The following UPP2 variants were observed in gnomAD, a reference collection of about 807,000 sequenced individuals.
The protein encoded by UPP2 is uridine phosphorylase 2.
UPP2 carries 23 observed loss-of-function variants against 26.7 expected under a neutral mutation model. The observed-to-expected ratio is 0.86, with a 90% CI of 0.62 to 1.22. The LOEUF (loss-of-function observed/expected upper bound fraction) is 1.22, where lower values mean the gene tolerates loss of function less well. Among genes scored for constraint, UPP2 ranks in the 50% most tolerant of loss-of-function variants. UPP2 has a pLI of 0.00. For missense variants in UPP2, 387 were observed against 396.7 expected, an observed-to-expected ratio of 0.98 and a Z score of 0.21; for synonymous variants, 127 against 141.3, an observed-to-expected ratio of 0.90 and a Z score of 0.72.
chr2:158,049,842 T>C (rs960693543), intron 3 of UPP2, among the ~76,000 whole-genome samples: 14 of 152,232 alleles, frequency 9.2e-5, no homozygotes, highest in African/African-American at 3.1e-4. Flanking sequence ...CTTATGATCA[T>C]ACATTAGAAT....
intron 6 of UPP2, among the ~76,000 whole-genome samples, chr2:158,132,326 C>A (rs893833417): frequency 2.0e-5 from 3 of 152,166 alleles, no homozygotes; most frequent in Admixed American, 2.0e-4. Flanking sequence ...AATGGTTCAC[C>A]ATGTGCTAGC....
chr2:158,005,164 T>C (rs559576045), intron 2 of UPP2, among the ~76,000 whole-genome samples: 9 of 152,300 alleles, frequency 5.9e-5, no homozygotes, highest in East Asian at 5.8e-4. Context: ...AAATCTGTTA[T>C]GGTCTCTTGT....
intron 3 of UPP2, among the ~76,000 whole-genome samples, chr2:158,019,985 T>A (rs1574248484): frequency 6.6e-6 from 1 of 152,206 alleles, no homozygotes; most frequent in East Asian, 1.9e-4. Flanking sequence ...AAGCCCATCT[T>A]CCATACAAAA....
chr2:158,043,294 A>T (rs1337693498), intron 3 of UPP2, among the ~76,000 whole-genome samples: 2 of 152,194 alleles, frequency 1.3e-5, no homozygotes, highest in Non-Finnish European at 2.9e-5. Context: ...AATCCTGCTC[A>T]TGAACTCCTT....
chr2:158,020,198 G>A (rs1320874193), intron 3 of UPP2, among the ~76,000 whole-genome samples: 1 of 152,206 alleles, frequency 6.6e-6, no homozygotes, highest in Non-Finnish European at 1.5e-5. Context: ...TGAGGAGCGA[G>A]TGTTTTCGAA....
intron 3 of UPP2, among the ~76,000 whole-genome samples, chr2:158,090,677 G>T (rs181683188): frequency 0.022 from 3,347 of 152,124 alleles, 123 homozygotes; most frequent in African/African-American, 0.073. Flanking sequence ...GCACGGCCAC[G>T]GACCCACATG....
chr2:157,995,302 T>C (rs1264756037), intron 2 of UPP2: 3 of 1,597,186 alleles, frequency 1.9e-6, no homozygotes, highest in East Asian at 2.2e-5. Flanking sequence ...TCTAAGCACA[T>C]GTGTCTGGTC....
At chr2:158,095,675 T>C (rs1242312382) in intron 3 of UPP2, among the ~76,000 whole-genome samples, 1 of 152,168 alleles carries the variant, frequency 6.6e-6, no homozygotes, top group Admixed American at 6.5e-5. Flanking sequence ...ATAATACCTA[T>C]CTCACAGACG....
chr2:158,123,419 C>T (rs1202351489), intron 5 of UPP2, among the ~76,000 whole-genome samples: 1 of 152,110 alleles, frequency 6.6e-6, no homozygotes. Flanking sequence ...CTGAGATTTT[C>T]CTCAAAGGGC....
At chr2:158,066,335 G>A (rs531598865) in intron 3 of UPP2, among the ~76,000 whole-genome samples, 9 of 152,280 alleles carry the variant, frequency 5.9e-5, no homozygotes, top group South Asian at 4.1e-4. Context: ...GACCTTTCCC[G>A]AAATCATGCA....
intron 2 of UPP2, among the ~76,000 whole-genome samples, chr2:158,110,455 C>T (rs1262176789): frequency 6.6e-6 from 1 of 152,154 alleles, no homozygotes; most frequent in Non-Finnish European, 1.5e-5. Flanking sequence ...AGTGAACATA[C>T]ATGTACATGT....
intron 2 of UPP2, among the ~76,000 whole-genome samples, chr2:158,005,821 C>G (rs548440403): frequency 3.9e-5 from 6 of 152,242 alleles, no homozygotes; most frequent in African/African-American, 7.2e-5. Context: ...GCCCAGCCCC[C>G]GAAGGCCTCT....
At chr2:158,035,158 C>CT (rs397868383) in intron 3 of UPP2, among the ~76,000 whole-genome samples, 8,438 of 143,134 alleles carry the variant, frequency 0.059, 706 homozygotes, top group African/African-American at 0.18. Flanking sequence ...GGATCAGAAT[C>CT]TTTTTTTTTT....
At chr2:158,012,342 G>A (rs1368569545) in intron 2 of UPP2, among the ~76,000 whole-genome samples, 2 of 132,608 alleles carry the variant, frequency 1.5e-5, no homozygotes, top group South Asian at 2.5e-4. Flanking sequence ...ATCTCGGCTC[G>A]CTGCAACCTC....
At chr2:158,114,659 T>C (rs896099388) in intron 2 of UPP2, among the ~76,000 whole-genome samples, 4 of 152,164 alleles carry the variant, frequency 2.6e-5, no homozygotes, top group Admixed American at 6.5e-5. Context: ...AAATTTATGA[T>C]GGGGGATGGG....
intron 2 of UPP2, among the ~76,000 whole-genome samples, chr2:157,998,413 G>T (rs563564712): frequency 6.6e-6 from 1 of 152,252 alleles, no homozygotes; most frequent in South Asian, 2.1e-4. Context: ...TACTTCGAAG[G>T]TCAGAAATGA....
chr2:158,073,263 C>T (rs553571908), intron 3 of UPP2, among the ~76,000 whole-genome samples: 1 of 151,862 alleles, frequency 6.6e-6, no homozygotes, highest in South Asian at 2.1e-4. Flanking sequence ...AGCTTGAAGA[C>T]AGGCTGTTTG....
intron 2 of UPP2, 79 bp from the exon 3 acceptor site, chr2:158,115,022 T>C: frequency 7.3e-7 from 1 of 1,362,226 alleles, no homozygotes; most frequent in South Asian, 1.8e-5. Context: ...AAAAGTAAAA[T>C]AAAAACATTA....
At chr2:158,076,891 C>T (rs1204838743) in intron 3 of UPP2, among the ~76,000 whole-genome samples, 1 of 151,986 alleles carries the variant, frequency 6.6e-6, no homozygotes, top group African/African-American at 2.4e-5. Context: ...TTCTTGTTTG[C>T]AGATGATATG....
Sources: gnomAD v4.1 joint callset for allele counts (sites outside exome capture counted in the v4.1 genomes callset) on GRCh38, gnomAD v4.1.1 for gene constraint, MANE v1.5 for transcripts, NCBI Gene and HGNC (gene_info 2026-07-23, HGNC 2026-07-21) for gene names.